Variants in CUX1 observed in about 807,000 individuals in gnomAD.
CUX1 encodes the protein protein CASP.
A neutral mutation model predicts 158.8 loss-of-function variants in CUX1; 31 were observed. The ratio of observed to expected loss-of-function variants is 0.20; its 90% CI spans 0.15 to 0.26. The LOEUF is 0.26. Among genes scored for constraint, CUX1 ranks in the 10% least tolerant of loss-of-function variants. The pLI is 1.00. For missense variants in CUX1, 1,589 were observed against 2,014.6 expected (o/e 0.79, Z 4.04); for synonymous variants, 879 against 862.1 (o/e 1.02, Z -0.34).
At chr7:102,003,554 C>T (rs1266806817) in intron 2 of CUX1, among the ~76,000 whole-genome samples, 1 of 152,116 alleles carries the variant, frequency 6.6e-6, no homozygotes, top group Non-Finnish European at 1.5e-5. Context: ...GGAAGGGGCT[C>T]CTGTACCATG....
rs1201135221 is a variant in CUX1 at position 102,201,760 on chromosome 7, G to A, written c.2463G>A (p.Lys821=). The A allele has an allele frequency of 1.9e-6, 3 of 1,612,770 alleles. No homozygotes were observed. The highest frequency in any genetic ancestry group is 1.7e-6 in the Non-Finnish European group (2 of 1,179,928). The change falls in exon 18 of 24, where the codon AAG becomes AAA. Residue 821 remains lysine (K), a synonymous_variant. Coordinates refer to ENST00000292535, the MANE Select transcript of CUX1 (RefSeq NM_181552.4). The surrounding 1 kb of genome is among the most constrained non-coding windows in gnomAD (Gnocchi z 5.0). ...KNEVGRSGAW[K]DHWWSAVQPE... is the part of the protein sequence containing the mutation. ...AGGTGGGCCGCAGCGGTGCCTGGAA[G>A]GACCACTGGTGGAGCGCGGTGCAGC...
chr7:101,913,793 T>C, intron 1 of CUX1, among the ~76,000 whole-genome samples: 1 of 152,164 alleles, frequency 6.6e-6, no homozygotes, highest in Non-Finnish European at 1.5e-5. Flanking sequence ...TTTTTGTTTT[T>C]CTCCTAAGTT....
At chr7:102,032,773 T>C (rs1820942842) in intron 3 of CUX1, among the ~76,000 whole-genome samples, 1 of 152,230 alleles carries the variant, frequency 6.6e-6, no homozygotes. Flanking sequence ...TGAAATTAGA[T>C]ATCGATTGAT....
chr7:102,200,254 C>T, intron 17 of CUX1, 82 bp downstream of exon 17: 1 of 1,128,404 alleles, frequency 8.9e-7, no homozygotes, highest in Non-Finnish European at 1.2e-6. Flanking sequence ...CAGTAATTAA[C>T]TATTTTTTTT....
At chr7:101,817,475 C>A, upstream of CUX1, 1 of 1,083,434 alleles carries the variant, frequency 9.2e-7, no homozygotes, top group Non-Finnish European at 1.1e-6. The surrounding 1 kb of genome is among the most constrained non-coding windows in gnomAD (Gnocchi z 4.1). Flanking sequence ...GCGGGGGGAC[C>A]GTGCCGGGGC....
chr7:102,036,761 C>CAAA (rs35844490), intron 3 of CUX1, among the ~76,000 whole-genome samples: 1 of 115,914 alleles, frequency 8.6e-6, no homozygotes, highest in Non-Finnish European at 1.8e-5. Context: ...AGCAAACAAA[C>CAAA]AAAAAAAAAA....
chr7:102,283,185 T>A (rs1325101095), exon 23 of CUX1: 6 of 1,035,022 alleles, frequency 5.8e-6, no homozygotes, highest in East Asian at 2.5e-5. Context: ...GAATCCCCCA[T>A]GGAAACTGCC....
chr7:101,998,359 T>C (rs1816239279), intron 2 of CUX1, among the ~76,000 whole-genome samples: 1 of 152,230 alleles, frequency 6.6e-6, no homozygotes, highest in African/African-American at 2.4e-5. Flanking sequence ...GGTGCACATT[T>C]ACCGAGTGTG....
chr7:102,129,446 G>C lies in CUX1; in HGVS notation c.674+14173G>C, dbSNP rs1247084732. On this transcript the variant is annotated intron_variant, in intron 8 of 23. Coordinates refer to ENST00000292535, the MANE Select transcript of CUX1 (RefSeq NM_181552.4). ...CCTCTGTAATCCCAGCACTTTGGGA[G>C]GCCAAGATGGGCAGATCACTTGAGG... Among the ~76,000 whole-genome samples, 8 of 152,294 alleles carry C rather than the reference G, an allele frequency of 5.3e-5. No individual in the cohort carries two copies. The East Asian group carries it at 1.4e-3, about 26-fold the overall frequency.
intron 3 of CUX1, among the ~76,000 whole-genome samples, chr7:102,058,573 G>A (rs1585460172): frequency 1.3e-5 from 2 of 152,098 alleles, no homozygotes; most frequent in Admixed American, 6.6e-5. Flanking sequence ...GTGAGCCACC[G>A]TACCTGGTCT....
chr7:101,850,421 C>CTTT (rs545679696), intron 1 of CUX1, among the ~76,000 whole-genome samples: 74 of 104,458 alleles, frequency 7.1e-4, no homozygotes, highest in Middle Eastern at 6.6e-3. Flanking sequence ...TTCTTTCTTT[C>CTTT]TTTTTTTTTT....
intron 2 of CUX1, among the ~76,000 whole-genome samples, chr7:101,987,687 G>C (rs1239096336): frequency 1.3e-5 from 2 of 152,206 alleles, no homozygotes; most frequent in Admixed American, 6.5e-5. Flanking sequence ...CGGTGTCCTG[G>C]CGCAGGGCAC....
rs782553144 is a variant in CUX1, at chr7:102,178,552, G to A, written c.912G>A (p.Glu304=). 5 of 1,613,396 alleles carry A rather than the reference G, an allele frequency of 3.1e-6. No homozygotes were observed. The highest frequency in any genetic ancestry group is 2.2e-5 in the East Asian group (1 of 44,870). The part of the protein sequence containing the change: ...AKEREIAQLV[E]DVQRLQASLT... ...AGCGGGAGATCGCACAGCTGGTGGA[G>A]GACGTGCAGAGACTCCAGGCCAGCC... Residue 304 remains glutamate, a synonymous_variant, in exon 11 of 24, where the codon GAG becomes GAA. Coordinates refer to ENST00000292535, the MANE Select transcript of CUX1 (RefSeq NM_181552.4).
At chr7:102,226,113 T>G (rs1798322629) in intron 20 of CUX1, among the ~76,000 whole-genome samples, 1 of 152,228 alleles carries the variant, frequency 6.6e-6, no homozygotes, top group Non-Finnish European at 1.5e-5. Context: ...TTTTATGGGC[T>G]GTTATCAGAG....
chr7:102,040,465 T>C (rs1161002257), intron 3 of CUX1, among the ~76,000 whole-genome samples: 2 of 152,112 alleles, frequency 1.3e-5, no homozygotes, highest in African/African-American at 4.8e-5. Context: ...AACCCTTAAG[T>C]CTCTTTGTAG....
intron 1 of CUX1, among the ~76,000 whole-genome samples, chr7:101,895,236 G>A (rs1192254387): frequency 1.3e-5 from 2 of 152,252 alleles, no homozygotes; most frequent in South Asian, 4.1e-4. Context: ...GGCCAGGCTG[G>A]TCTTGAACTC....
At chr7:101,986,226 G>A (rs1031391014) in intron 2 of CUX1, among the ~76,000 whole-genome samples, 1 of 152,200 alleles carries the variant, frequency 6.6e-6, no homozygotes. Context: ...CACTGGGGTC[G>A]GATCTTCATA....
intron 8 of CUX1, among the ~76,000 whole-genome samples, chr7:102,117,397 CAAAAAAAA>C (rs10633602): frequency 8.6e-5 from 4 of 46,674 alleles, no homozygotes; most frequent in African/African-American, 3.0e-4. Context: ...GACTCCATCG[CAAAAAAAA>C]AAAAAAAAAA....
chr7:101,877,295 T>G lies in CUX1; in HGVS notation c.31-38820T>G, dbSNP rs982541042. Reference sequence around the variant, plus strand: ...TTTTGGTGTGTATCCTTCCAGAGTTTCATTATATACACAGAAACAAATACC... The same window carrying G: ...TTTTGGTGTGTATCCTTCCAGAGTTGCATTATATACACAGAAACAAATACC... On this transcript the variant is annotated intron_variant, in intron 1 of 23. Coordinates refer to ENST00000292535, the MANE Select transcript of CUX1 (RefSeq NM_181552.4). 2.0e-5 allele frequency among the ~76,000 whole-genome samples: 3 copies of G among 152,334 alleles called. No homozygotes were observed. The East Asian group carries it at 5.8e-4, about 29-fold the overall frequency.
Sources: gnomAD v4.1 joint callset for allele counts (sites outside exome capture counted in the v4.1 genomes callset) on GRCh38, gnomAD v4.1.1 for gene constraint, Gnocchi (gnomAD v3.1) non-coding constraint, MANE v1.5 for transcripts, NCBI Gene and HGNC (gene_info 2026-07-23, HGNC 2026-07-21) for gene names.